The following ZFPM2 variants were observed in gnomAD, a reference collection of about 807,000 sequenced individuals.
The protein encoded by ZFPM2 is zinc finger protein ZFPM2.
A neutral mutation model predicts 98.6 loss-of-function variants in ZFPM2; 20 were observed. That is an observed-to-expected ratio of 0.20 (90% CI 0.14 to 0.29). The LOEUF (loss-of-function observed/expected upper bound fraction) is 0.29, where lower values mean the gene tolerates loss of function less well. Ranked by LOEUF, ZFPM2 falls within the 10% of genes least tolerant of loss-of-function variation. The pLI is 1.00. For synonymous variants in ZFPM2, 518 were observed against 502.7 expected (o/e 1.03, Z -0.41); for missense variants, 1,310 against 1,388.6 (o/e 0.94, Z 0.90).
intron 1 of ZFPM2, among the ~76,000 whole-genome samples, chr8:105,323,070 TA>T (rs1172288840): frequency 6.6e-6 from 1 of 151,828 alleles, no homozygotes; most frequent in African/African-American, 2.4e-5. Context: ...ATCATTTCTA[TA>T]ACCTTAAAAT....
chr8:105,779,342 A>G (rs1391583708), intron 5 of ZFPM2, among the ~76,000 whole-genome samples: 1 of 152,216 alleles, frequency 6.6e-6, no homozygotes, highest in Non-Finnish European at 1.5e-5. Flanking sequence ...GCTGTGCTAG[A>G]GGTTTACAGC....
chr8:105,450,005 C>T (rs1563664727), intron 3 of ZFPM2, among the ~76,000 whole-genome samples: 1 of 152,034 alleles, frequency 6.6e-6, no homozygotes, highest in Non-Finnish European at 1.5e-5. Flanking sequence ...TTCCACCCGA[C>T]TTAAAACATG....
chr8:105,542,798 T>C (rs753917251), intron 3 of ZFPM2, among the ~76,000 whole-genome samples: 1 of 152,180 alleles, frequency 6.6e-6, no homozygotes, highest in Non-Finnish European at 1.5e-5. Context: ...TTCCCCACAA[T>C]GGTTACCAAT....
At chr8:105,443,872 ATGTCTT>A (rs1362160752) in intron 2 of ZFPM2, among the ~76,000 whole-genome samples, 4 of 152,184 alleles carry the variant, frequency 2.6e-5, no homozygotes, top group African/African-American at 9.6e-5. Flanking sequence ...AACCATAAAT[ATGTCTT>A]ATTCTATGAT....
rs1277291059 is a variant in ZFPM2 at position 105,779,396 on chromosome 8, A to G, written c.533-9322A>G. ...CCTTATTTTTAGAAAGCAAGCGTCT[A>G]TCAATCACACAGATAAATTAGAAAG... On this transcript the variant is annotated intron_variant, in intron 5 of 7. Coordinates refer to ENST00000407775, the MANE Select transcript of ZFPM2 (RefSeq NM_012082.4). Among the ~76,000 whole-genome samples, 3 of 152,224 alleles carry G rather than the reference A, an allele frequency of 2.0e-5. No homozygotes were observed. The East Asian group carries it at 5.8e-4, about 29-fold the overall frequency.
At chr8:105,469,257 G>T (rs144304441) in intron 3 of ZFPM2, among the ~76,000 whole-genome samples, 7 of 152,210 alleles carry the variant, frequency 4.6e-5, no homozygotes, top group African/African-American at 1.7e-4. Flanking sequence ...ATTTCAGAGT[G>T]CTCACTCTTA....
chr8:105,735,767 T>C (rs1301772832), intron 5 of ZFPM2, among the ~76,000 whole-genome samples: 1 of 151,974 alleles, frequency 6.6e-6, no homozygotes, highest in Non-Finnish European at 1.5e-5. Flanking sequence ...TTAAGCTGTG[T>C]TGACAGGAAA....
chr8:105,414,767 A>G (rs1811648522), intron 1 of ZFPM2: 1 of 152,030 alleles, frequency 6.6e-6, no homozygotes, highest in South Asian at 2.1e-4. Context: ...CTTCTTAACC[A>G]TGCAAATCCA....
intron 3 of ZFPM2, among the ~76,000 whole-genome samples, chr8:105,531,908 T>G (rs1814304992): frequency 6.6e-6 from 1 of 152,162 alleles, no homozygotes; most frequent in Admixed American, 6.6e-5. Context: ...TTTCTTTTCT[T>G]TTCTTTTTCT....
rs200992707 is a variant in ZFPM2 at position 105,334,848 on chromosome 8, A to AT, written c.40+15874dup. 9.9e-3 allele frequency among the ~76,000 whole-genome samples: 1,503 copies of AT among 151,600 alleles called. 9 individuals are homozygous for AT. The highest frequency in any genetic ancestry group is 0.015 in the Non-Finnish European group (984 of 67,700). ...TGCTCTTTTTCGTACCTTATTAAGGATTTTTTTATCCTTGAAAGTCTTCCA... is the reference window on the plus strand; with the variant it reads ...TGCTCTTTTTCGTACCTTATTAAGGATTTTTTTTATCCTTGAAAGTCTTCCA... On this transcript the variant is annotated intron_variant, in intron 1 of 7. Transcript: ENST00000407775.
At chr8:105,382,127 T>C (rs1262287914) in intron 1 of ZFPM2, among the ~76,000 whole-genome samples, 3 of 152,138 alleles carry the variant, frequency 2.0e-5, no homozygotes, top group African/African-American at 7.2e-5. Flanking sequence ...TATTATACTT[T>C]GGATGAATAC....
intron 1 of ZFPM2, among the ~76,000 whole-genome samples, chr8:105,386,721 G>A (rs1216265234): frequency 6.6e-6 from 1 of 152,148 alleles, no homozygotes; most frequent in East Asian, 1.9e-4. Context: ...CCTGCTTTTA[G>A]TCTCTTATCG....
At chr8:105,397,237 A>C (rs1811241149) in intron 1 of ZFPM2, among the ~76,000 whole-genome samples, 1 of 152,166 alleles carries the variant, frequency 6.6e-6, no homozygotes, top group African/African-American at 2.4e-5. Flanking sequence ...CATAGTAAAG[A>C]TATGCATCAA....
Position 105,479,887 on chromosome 8 carries a change from C to A in ZFPM2, c.301+35506C>A, listed in dbSNP as rs140526114. 2.2e-3 allele frequency among the ~76,000 whole-genome samples: 339 copies of A among 152,034 alleles called. 8 individuals are homozygous for A. Among genetic ancestry groups the A allele is most frequent in the Admixed American group, 0.021 (326 of 15,278 alleles). ...GCCAGATCTGTAATGTAAAATTCGACCAATTTTTCTATGTATCAGATATCA... is the reference window on the plus strand; with the variant it reads ...GCCAGATCTGTAATGTAAAATTCGAACAATTTTTCTATGTATCAGATATCA... On this transcript the variant is annotated intron_variant, in intron 3 of 7. Coordinates refer to ENST00000407775, the MANE Select transcript of ZFPM2 (RefSeq NM_012082.4).
chr8:105,637,659 C>T (rs1225300120), intron 5 of ZFPM2, among the ~76,000 whole-genome samples: 2 of 151,956 alleles, frequency 1.3e-5, no homozygotes, highest in Admixed American at 6.6e-5. Context: ...TGTGTCAATA[C>T]CTTAATATTC....
chr8:105,642,056 A>T (rs1816957957), intron 5 of ZFPM2, among the ~76,000 whole-genome samples: 1 of 152,258 alleles, frequency 6.6e-6, no homozygotes, highest in South Asian at 2.1e-4. Context: ...TCATTCAAGG[A>T]TGTTAGCTTG....
intron 4 of ZFPM2, among the ~76,000 whole-genome samples, chr8:105,586,004 T>TGC (rs1176364925): frequency 2.2e-5 from 1 of 45,010 alleles, no homozygotes; most frequent in African/African-American, 7.0e-5. Flanking sequence ...GGGGAAGGGG[T>TGC]GTGTGTGTGT....
intron 5 of ZFPM2, among the ~76,000 whole-genome samples, chr8:105,721,787 C>T (rs561254727): frequency 3.0e-4 from 45 of 151,988 alleles, no homozygotes; most frequent in Admixed American, 1.8e-3. Context: ...AAAGAATATA[C>T]GAGAACATGT....
chr8:105,695,392 T>A (rs574395781), intron 5 of ZFPM2, among the ~76,000 whole-genome samples: 2 of 150,194 alleles, frequency 1.3e-5, no homozygotes, highest in South Asian at 2.1e-4. Flanking sequence ...TTTTTTTTTT[T>A]TTTTTTTTTT....
Sources: gnomAD v4.1 joint callset for allele counts (sites outside exome capture counted in the v4.1 genomes callset) on GRCh38, gnomAD v4.1.1 for gene constraint, MANE v1.5 for transcripts, NCBI Gene and HGNC (gene_info 2026-07-23, HGNC 2026-07-21) for gene names.